Variants in RAB3C observed in about 807,000 individuals in gnomAD.
RAB3C encodes ras-related protein Rab-3C.
In RAB3C, 17 loss-of-function variants were observed where a neutral mutation model predicts 26.4. That is an observed-to-expected ratio of 0.64 (90% CI 0.44 to 0.97). RAB3C has a LOEUF of 0.97. Ranked by LOEUF, RAB3C falls within the 50% of genes least tolerant of loss-of-function variation. The pLI is 0.00. For synonymous variants in RAB3C, 91 were observed against 95.9 expected, an observed-to-expected ratio of 0.95 and a Z score of 0.30; for missense variants, 242 against 281.9, an observed-to-expected ratio of 0.86 and a Z score of 1.01.
At chr5:58,613,339 C>G (rs1746754364) in intron 1 of RAB3C, among the ~76,000 whole-genome samples, 1 of 152,094 alleles carries the variant, frequency 6.6e-6, no homozygotes, top group South Asian at 2.1e-4. Context: ...CTGTTGAGGT[C>G]TCACCCGTAG....
At chr5:58,786,268 C>T (rs184383426) in intron 3 of RAB3C, among the ~76,000 whole-genome samples, 58 of 152,346 alleles carry the variant, frequency 3.8e-4, no homozygotes, top group African/African-American at 1.4e-3. Flanking sequence ...CTCAGCCCTT[C>T]CTGGGGTTTT....
chr5:58,684,055 GACTCCA>G (rs1748397921), intron 2 of RAB3C, among the ~76,000 whole-genome samples: 2 of 152,028 alleles, frequency 1.3e-5, no homozygotes, highest in African/African-American at 4.8e-5. Flanking sequence ...CCACATCCAT[GACTCCA>G]ACCAACCATG....
intron 2 of RAB3C, among the ~76,000 whole-genome samples, chr5:58,696,421 G>A (rs1049900378): frequency 2.2e-4 from 34 of 152,156 alleles, no homozygotes; most frequent in African/African-American, 8.0e-4. Flanking sequence ...TTGGTATCAG[G>A]ATGATGTTGG....
chr5:58,605,314 C>T (rs1746536431), intron 1 of RAB3C, among the ~76,000 whole-genome samples: 1 of 152,098 alleles, frequency 6.6e-6, no homozygotes, highest in Admixed American at 6.6e-5. Flanking sequence ...CAATCTAGTC[C>T]TGCCTCCCAT....
chr5:58,773,623 G>A (rs1742068179), intron 3 of RAB3C, among the ~76,000 whole-genome samples: 1 of 152,090 alleles, frequency 6.6e-6, no homozygotes, highest in Non-Finnish European at 1.5e-5. Context: ...TTCACACTGG[G>A]TACCTTGATT....
chr5:58,793,744 C>T (rs936617857), intron 3 of RAB3C, among the ~76,000 whole-genome samples: 1 of 151,986 alleles, frequency 6.6e-6, no homozygotes, highest in Non-Finnish European at 1.5e-5. Context: ...GGATGAGGAC[C>T]AAGAATCTAC....
At chr5:58,722,047 A>C (rs780245863) in intron 2 of RAB3C, among the ~76,000 whole-genome samples, 11 of 151,732 alleles carry the variant, frequency 7.2e-5, no homozygotes, top group Admixed American at 2.0e-4. Flanking sequence ...ATCAGAATAT[A>C]ATGGTGACTT....
chr5:58,797,368 A>ATAT (rs1464292932), intron 3 of RAB3C, among the ~76,000 whole-genome samples: 769 of 22,658 alleles, frequency 0.034, 35 homozygotes, highest in African/African-American at 0.072. Flanking sequence ...GTATATATAT[A>ATAT]ATATATATAT....
chr5:58,620,248 A>G (rs1746908159), intron 2 of RAB3C, among the ~76,000 whole-genome samples: 1 of 152,222 alleles, frequency 6.6e-6, no homozygotes, highest in Non-Finnish European at 1.5e-5. Flanking sequence ...AGCCATTACT[A>G]TCATTGCAAT....
intron 3 of RAB3C, among the ~76,000 whole-genome samples, chr5:58,736,410 A>G (rs1031784508): frequency 1.3e-5 from 2 of 152,210 alleles, no homozygotes; most frequent in African/African-American, 2.4e-5. Flanking sequence ...CCTCACCAGT[A>G]TTTTATGAAT....
chr5:58,782,106 C>G (rs935140652), intron 3 of RAB3C, among the ~76,000 whole-genome samples: 2 of 152,044 alleles, frequency 1.3e-5, no homozygotes, highest in African/African-American at 4.8e-5. Flanking sequence ...TACCCCTTAT[C>G]CCCATGACTA....
chr5:58,796,110 G>A (rs1441831016), intron 3 of RAB3C, among the ~76,000 whole-genome samples: 1 of 152,166 alleles, frequency 6.6e-6, no homozygotes, highest in Non-Finnish European at 1.5e-5. Flanking sequence ...AAAGTGATTG[G>A]AAGGTGGGAA....
At chr5:58,646,292 A>C (rs1430501305) in intron 2 of RAB3C, among the ~76,000 whole-genome samples, 1 of 152,166 alleles carries the variant, frequency 6.6e-6, no homozygotes, top group Admixed American at 6.5e-5. Flanking sequence ...GAGAAGCATA[A>C]AACAATGTAT....
chr5:58,657,232 G>C (rs183997926), intron 2 of RAB3C, among the ~76,000 whole-genome samples: 69 of 152,090 alleles, frequency 4.5e-4, no homozygotes, highest in Non-Finnish European at 7.9e-4. Flanking sequence ...GAGGACTTTG[G>C]GGGGAAGAAT....
chr5:58,830,802 T>G (rs1330284433), intron 4 of RAB3C, among the ~76,000 whole-genome samples: 1 of 152,122 alleles, frequency 6.6e-6, no homozygotes, highest in African/African-American at 2.4e-5. Flanking sequence ...AATAGCAGCA[T>G]CATCATACCT....
intron 2 of RAB3C, among the ~76,000 whole-genome samples, chr5:58,686,318 G>A (rs536630417): frequency 3.6e-4 from 55 of 152,052 alleles, no homozygotes; most frequent in Admixed American, 6.6e-4. Context: ...TCAGCATTTA[G>A]ATACACTAGT....
chr5:58,823,177 C>T (rs1024008887), intron 3 of RAB3C: 1 of 342,590 alleles, frequency 2.9e-6, no homozygotes, highest in African/African-American at 2.1e-5. Flanking sequence ...AGAAACGGTT[C>T]TTTCCGTTCA....
At chr5:58,735,833 A>G (rs1401073224) in intron 3 of RAB3C, among the ~76,000 whole-genome samples, 1 of 152,158 alleles carries the variant, frequency 6.6e-6, no homozygotes, top group African/African-American at 2.4e-5. Flanking sequence ...AAGCAGTCCT[A>G]GAGGATCCCA....
intron 3 of RAB3C, among the ~76,000 whole-genome samples, chr5:58,750,435 T>C (rs1223581638): frequency 4.6e-5 from 7 of 152,108 alleles, no homozygotes; most frequent in African/African-American, 1.7e-4. Flanking sequence ...AATTGAATCA[T>C]TGCCTGGCCT....
Sources: gnomAD v4.1 joint callset for allele counts (sites outside exome capture counted in the v4.1 genomes callset) on GRCh38, gnomAD v4.1.1 for gene constraint, MANE v1.5 for transcripts, NCBI Gene and HGNC (gene_info 2026-07-23, HGNC 2026-07-21) for gene names.